Variants in SFXN2 observed in about 807,000 individuals in gnomAD.
SFXN2 encodes the protein sideroflexin 2, also known as sideroflexin-2.
A neutral mutation model predicts 41.9 loss-of-function variants in SFXN2; 37 were observed. The ratio of observed to expected loss-of-function variants is 0.88; its 90% CI spans 0.68 to 1.16. SFXN2 has a LOEUF of 1.16. Ranked by LOEUF, SFXN2 falls within the 50% of genes most tolerant of loss-of-function variation. The pLI is 0.00. For missense variants in SFXN2, 386 were observed against 425.2 expected, an observed-to-expected ratio of 0.91 and a Z score of 0.81; for synonymous variants, 150 against 156.7, an observed-to-expected ratio of 0.96 and a Z score of 0.32.
intron 7 of SFXN2, 54 bp from the exon 8 acceptor site, chr10:102,732,098 G>A: frequency 6.5e-7 from 1 of 1,536,964 alleles, no homozygotes; most frequent in Non-Finnish European, 8.9e-7. Context: ...CCCTGGTGCA[G>A]CACATGTACA....
chr10:102,732,099 C>A, intron 7 of SFXN2, 53 bp from the exon 8 acceptor site: 1 of 1,539,192 alleles, frequency 6.5e-7, no homozygotes, highest in Non-Finnish European at 8.9e-7. Flanking sequence ...CCTGGTGCAG[C>A]ACATGTACAC....
intron 10 of SFXN2, among the ~76,000 whole-genome samples, chr10:102,735,026 C>T (rs1225105763): frequency 6.6e-6 from 1 of 152,076 alleles, no homozygotes; most frequent in Admixed American, 6.6e-5. Context: ...AATAAAGAAG[C>T]AGGTCTCAGA....
At chr10:102,723,987 A>T (rs1182552971) in intron 1 of SFXN2, among the ~76,000 whole-genome samples, 1 of 151,582 alleles carries the variant, frequency 6.6e-6, no homozygotes, top group Non-Finnish European at 1.5e-5. Flanking sequence ...CCCACCCTTC[A>T]CCCTCAAGTG....
chr10:102,726,590 A>T (rs376789657), intron 1 of SFXN2, 22 bp from the exon 2 acceptor site: 4 of 1,608,628 alleles, frequency 2.5e-6, no homozygotes, highest in Non-Finnish European at 3.4e-6. Flanking sequence ...GGGGACAGTC[A>T]TCTTCTTCCT....
chr10:102,739,641 G>C lies in SFXN2; in HGVS notation c.*1879G>C, dbSNP rs1032478558. 1 of 152,264 alleles carries C rather than the reference G, an allele frequency of 6.6e-6. No individual in the cohort carries two copies. The highest frequency in any genetic ancestry group is 1.5e-5 in the Non-Finnish European group (1 of 68,066). 9.4% of individuals were successfully genotyped at this position (152,264 alleles called of 1,614,324 possible). On this transcript the variant is annotated 3_prime_UTR_variant, in exon 12 of 12. Coordinates refer to ENST00000369893, the MANE Select transcript of SFXN2 (RefSeq NM_178858.6). The stretch of plus-strand genomic sequence containing the variant: ...TAAGCACATGCATCAACCGGGCGCA[G>C]TGGCTCATGCCTGTAATCCCCACAC...
At chr10:102,717,754 C>G (rs2064438593) in intron 1 of SFXN2, 1 of 985,366 alleles carries the variant, frequency 1.0e-6, no homozygotes, top group Non-Finnish European at 1.2e-6. Flanking sequence ...GCCAAGAGAC[C>G]CAAGAAGAAG....
At chr10:102,717,341 C>G (rs2064431536) in intron 1 of SFXN2, among the ~76,000 whole-genome samples, 3 of 152,016 alleles carry the variant, frequency 2.0e-5, no homozygotes, top group South Asian at 2.1e-4. Flanking sequence ...CAGGGTTAGC[C>G]AGGATGGTCT....
chr10:102,732,787 G>T, intron 8 of SFXN2, 72 bp from the exon 9 acceptor site: 1 of 1,516,450 alleles, frequency 6.6e-7, no homozygotes, highest in South Asian at 1.1e-5. Context: ...CTTGGTTCCT[G>T]GTCTGACTTC....
At chr10:102,729,658 C>A (rs2064669712) in intron 5 of SFXN2, 65 bp from the exon 6 acceptor site, 1 of 1,514,604 alleles carries the variant, frequency 6.6e-7, no homozygotes, top group Non-Finnish European at 9.1e-7. Flanking sequence ...TCTAGTCGTT[C>A]AGCCCCCTCC....
At chr10:102,719,396 A>AT (rs1229516805) in intron 1 of SFXN2, among the ~76,000 whole-genome samples, 346 of 141,220 alleles carry the variant, frequency 2.5e-3, no homozygotes, top group African/African-American at 5.1e-3. Context: ...TAATTTTTGT[A>AT]TTTTTTTTTT....
rs142249281 is a variant in SFXN2, at chr10:102,724,696, G to A, written c.-25-1916G>A. On this transcript the variant is annotated intron_variant, in intron 1 of 11. Transcript: ENST00000369893. The stretch of plus-strand genomic sequence containing the variant: ...CAGCCTGGTGGCAGAGCAAGACTCC[G>A]TCTCAAAAAAAAAAAGATTTTCCAT... Among the ~76,000 whole-genome samples the A allele has an allele frequency of 1.7e-3, 252 of 150,944 alleles. 8 individuals are homozygous for A. The East Asian group carries it at 0.041, about 24-fold the overall frequency.
At chr10:102,726,350 G>T in intron 1 of SFXN2, 1 of 381,346 alleles carries the variant, frequency 2.6e-6, no homozygotes, top group Non-Finnish European at 4.8e-6. Context: ...AGCTCTCCAA[G>T]CACAGGCACT....
chr10:102,731,718 T>C lies in SFXN2; in HGVS notation c.594-5T>C. 1 of 1,613,242 alleles carries C rather than the reference T, an allele frequency of 6.2e-7. No homozygotes were observed. ...CCAAGTCCATTAACTCCTGTCTGTG[T>C]TTAGGGAGCTCATAAAGGGAATCTG... is the stretch of plus-strand genomic sequence containing the variant. On this transcript the variant is annotated splice_polypyrimidine_tract_variant and splice_region_variant and intron_variant, in intron 6 of 11. Coordinates refer to ENST00000369893, the MANE Select transcript of SFXN2 (RefSeq NM_178858.6).
At chr10:102,721,849 T>C (rs1248966045) in intron 1 of SFXN2, among the ~76,000 whole-genome samples, 1 of 150,892 alleles carries the variant, frequency 6.6e-6, no homozygotes, top group East Asian at 1.9e-4. Flanking sequence ...GTCTGTAATC[T>C]ACTGATTCTG....
rs1196389309 is a variant in SFXN2 at position 102,742,270 on chromosome 10, G to A, written c.*4508G>A. 1.3e-5 allele frequency: 2 copies of A among 152,062 alleles called. No homozygotes were observed. The highest frequency in any genetic ancestry group is 1.5e-5 in the Non-Finnish European group (1 of 68,196). The allele number at this position is 152,062 out of a possible 1,614,324, so 9.4% of individuals were successfully genotyped here. A position where few individuals can be genotyped will look rare whatever the true frequency, so the allele number is the denominator to read the frequency against. On this transcript the variant is annotated 3_prime_UTR_variant, in exon 12 of 12. Transcript: ENST00000369893. ...CAACCTCTGCCTCCCAGGTTCAAGC[G>A]ATTCTTCTGCTTTAGCCTCCTGAGT...
intron 1 of SFXN2, among the ~76,000 whole-genome samples, chr10:102,721,703 G>T (rs1002950929): frequency 3.3e-5 from 5 of 151,318 alleles, no homozygotes; most frequent in Non-Finnish European, 7.4e-5. Context: ...ATATGTGTGT[G>T]TCATAGCCAG....
intron 9 of SFXN2, 46 bp from the exon 10 acceptor site, chr10:102,733,508 G>A: frequency 3.3e-6 from 5 of 1,519,328 alleles, no homozygotes; most frequent in Non-Finnish European, 4.6e-6. Context: ...TCACCTTAAG[G>A]CATAGAAGTA....
At chr10:102,722,276 G>A (rs1170826023) in intron 1 of SFXN2, among the ~76,000 whole-genome samples, 1 of 152,122 alleles carries the variant, frequency 6.6e-6, no homozygotes, top group East Asian at 1.9e-4. Flanking sequence ...TTGCCCAGGA[G>A]TCTGCAATGT....
At chr10:102,726,959 G>C in intron 2 of SFXN2, 28 bp from the exon 3 acceptor site, 1 of 1,588,710 alleles carries the variant, frequency 6.3e-7, no homozygotes, top group Non-Finnish European at 8.6e-7. Flanking sequence ...AGGCAGGATG[G>C]TGACTGCCTG....
Sources: gnomAD v4.1 joint callset for allele counts (sites outside exome capture counted in the v4.1 genomes callset) on GRCh38, gnomAD v4.1.1 for gene constraint, MANE v1.5 for transcripts, NCBI Gene and HGNC (gene_info 2026-07-23, HGNC 2026-07-21) for gene names.